The following ZDHHC14 variants were observed in gnomAD, a reference collection of about 807,000 sequenced individuals.
ZDHHC14 encodes the protein zDHHC palmitoyltransferase 14.
In ZDHHC14, 16 loss-of-function variants were observed where a neutral mutation model predicts 47.7. That is an observed-to-expected ratio of 0.34 (90% confidence interval 0.23 to 0.51). The LOEUF is 0.51. Ranked by LOEUF, ZDHHC14 falls within the 20% of genes least tolerant of loss-of-function variation. ZDHHC14 has a pLI of 0.97. For missense variants in ZDHHC14, 515 were observed against 662.5 expected (o/e 0.78, Z 2.44); for synonymous variants, 293 against 278.9 (o/e 1.05, Z -0.50).
intron 1 of ZDHHC14, among the ~76,000 whole-genome samples, chr6:157,389,876 T>C (rs1257942669): frequency 2.0e-5 from 3 of 152,096 alleles, no homozygotes; most frequent in Non-Finnish European, 4.4e-5. Context: ...AAAAATAAAT[T>C]TATGTAAAAT....
intron 3 of ZDHHC14, among the ~76,000 whole-genome samples, chr6:157,611,395 C>T (rs1784744602): frequency 6.6e-6 from 1 of 152,134 alleles, no homozygotes; most frequent in African/African-American, 2.4e-5. Context: ...CTTTTTTATT[C>T]TGTGCATTTA....
At chr6:157,521,092 T>C (rs1780894330) in intron 1 of ZDHHC14, among the ~76,000 whole-genome samples, 2 of 152,102 alleles carry the variant, frequency 1.3e-5, no homozygotes, top group South Asian at 2.1e-4. Context: ...GGCAGGCCAG[T>C]GGATGCGCAG....
intron 8 of ZDHHC14, among the ~76,000 whole-genome samples, chr6:157,660,394 T>C (rs1778299897): frequency 6.6e-6 from 1 of 152,176 alleles, no homozygotes; most frequent in Admixed American, 6.5e-5. Flanking sequence ...CATTTCACCA[T>C]GTTGGCCAGG....
chr6:157,519,287 T>TTTTTTA (rs1415847922), intron 1 of ZDHHC14, among the ~76,000 whole-genome samples: 4 of 152,286 alleles, frequency 2.6e-5, no homozygotes, highest in African/African-American at 9.6e-5. Context: ...TGATATTTAT[T>TTTTTTA]TTTTTATTTT....
chr6:157,484,415 C>CGTATATGTGTATATATATACGTAT (rs1779725033), intron 1 of ZDHHC14, among the ~76,000 whole-genome samples: 1 of 142,282 alleles, frequency 7.0e-6, no homozygotes, highest in African/African-American at 2.7e-5. Context: ...TATGTATACA[C>CGTATATGTGTATATATATACGTAT]ATATACATAT....
intron 2 of ZDHHC14, among the ~76,000 whole-genome samples, chr6:157,577,760 G>A (rs1202007732): frequency 6.6e-6 from 1 of 152,214 alleles, no homozygotes; most frequent in East Asian, 1.9e-4. Context: ...ACGTTGGCCA[G>A]GATGGTCTCA....
At chr6:157,488,096 CA>C (rs1472678087) in intron 1 of ZDHHC14, among the ~76,000 whole-genome samples, 2 of 152,248 alleles carry the variant, frequency 1.3e-5, no homozygotes, top group East Asian at 3.8e-4. Flanking sequence ...ATCCCGTACC[CA>C]CCACGCAACC....
At chr6:157,633,529 G>T (rs1188259297) in intron 5 of ZDHHC14, among the ~76,000 whole-genome samples, 2 of 152,038 alleles carry the variant, frequency 1.3e-5, no homozygotes, top group Non-Finnish European at 2.9e-5. Flanking sequence ...CCCTCCCAGG[G>T]GCCCCAGGCT....
chr6:157,548,514 T>G (rs1001867429), intron 2 of ZDHHC14, among the ~76,000 whole-genome samples: 1 of 152,178 alleles, frequency 6.6e-6, no homozygotes, highest in African/African-American at 2.4e-5. Flanking sequence ...TGGCGCGATC[T>G]CAGCTCACCG....
rs146940469 is a variant in ZDHHC14 at position 157,533,101 on chromosome 6, G to A, written c.246-9484G>A. ...TATAGATGTGTTTGAAACACAAATAGGATTGTCTCCGCTGTACTTTGTATC... is the reference window on the plus strand; with the variant it reads ...TATAGATGTGTTTGAAACACAAATAAGATTGTCTCCGCTGTACTTTGTATC... On this transcript the variant is annotated intron_variant, in intron 1 of 8. Transcript: ENST00000359775. Among the ~76,000 whole-genome samples, 24 of 152,254 alleles carry A rather than the reference G, an allele frequency of 1.6e-4. No individual in the cohort carries two copies. In the East Asian group the frequency reaches 4.1e-3, roughly 26 times the overall value.
intron 1 of ZDHHC14, among the ~76,000 whole-genome samples, chr6:157,507,183 T>C (rs1406060266): frequency 6.6e-6 from 1 of 152,178 alleles, no homozygotes; most frequent in Non-Finnish European, 1.5e-5. Context: ...ATTAAATCCA[T>C]ATCCAGATTT....
In ZDHHC14 at chr6:157,609,350, C is replaced by T. The variant is rs539203588; in HGVS notation, c.565+16204C>T. 2.0e-5 allele frequency among the ~76,000 whole-genome samples: 3 copies of T among 152,340 alleles called. No homozygotes were observed. The South Asian group carries it at 6.2e-4, about 32-fold the overall frequency. On this transcript the variant is annotated intron_variant, in intron 3 of 8. Coordinates refer to ENST00000359775, the MANE Select transcript of ZDHHC14 (RefSeq NM_024630.3). ...AGGCCTTAGAAGGAGCCGAGGGCAG[C>T]TTGCACTGGGCAGAGAAGTCCACGG...
At chr6:157,571,451 C>T (rs578014825) in intron 2 of ZDHHC14, among the ~76,000 whole-genome samples, 1 of 152,186 alleles carries the variant, frequency 6.6e-6, no homozygotes, top group African/African-American at 2.4e-5. Flanking sequence ...ACTCACGATG[C>T]TATAAATAAC....
Position 157,596,031 on chromosome 6 carries a change from C to T in ZDHHC14, c.565+2885C>T, listed in dbSNP as rs368145879. Among the ~76,000 whole-genome samples, 57 of 152,260 alleles carry T rather than the reference C, an allele frequency of 3.7e-4. 1 individual carries two copies. Among genetic ancestry groups the T allele is most frequent in the African/African-American group, 1.2e-3 (50 of 41,540 alleles). On this transcript the variant is annotated intron_variant, in intron 3 of 8. Coordinates refer to ENST00000359775, the MANE Select transcript of ZDHHC14 (RefSeq NM_024630.3). ...TGCTCAGGGCCAGCTCCGTGGGGGA[C>T]AGGTGAAGAAGTAGCATATGAGTGA...
At chr6:157,514,371 C>T (rs193008238) in intron 1 of ZDHHC14, among the ~76,000 whole-genome samples, 1 of 152,338 alleles carries the variant, frequency 6.6e-6, no homozygotes, top group African/African-American at 2.4e-5. Flanking sequence ...TCACTTTCAC[C>T]TGTGCTCACA....
intron 1 of ZDHHC14, among the ~76,000 whole-genome samples, chr6:157,387,876 T>G (rs1420759697): frequency 6.6e-6 from 1 of 152,236 alleles, no homozygotes; most frequent in Non-Finnish European, 1.5e-5. Context: ...TTCTTGTGCT[T>G]TAGTTTTTGC....
rs112758056 is a variant in ZDHHC14, at chr6:157,437,467, A to G, written c.245+55201A>G. Among the ~76,000 whole-genome samples the G allele has an allele frequency of 6.0e-3, 910 of 152,284 alleles. 7 individuals carry two copies. The highest frequency in any genetic ancestry group is 0.021 in the African/African-American group (852 of 41,560). Reference sequence around the variant, plus strand: ...CAGCCTTGAACAGGTTTGTCTCTGTAGTGATACTGGAGTTCTTAATCCTTT... The same window carrying G: ...CAGCCTTGAACAGGTTTGTCTCTGTGGTGATACTGGAGTTCTTAATCCTTT... On this transcript the variant is annotated intron_variant, in intron 1 of 8. Transcript: ENST00000359775.
intron 5 of ZDHHC14, among the ~76,000 whole-genome samples, chr6:157,634,011 T>C (rs189079635): frequency 5.3e-5 from 8 of 152,330 alleles, no homozygotes; most frequent in African/African-American, 1.7e-4. Flanking sequence ...TATCATGTTC[T>C]TAAAGTCAAC....
chr6:157,410,973 G>T (rs993595527), intron 1 of ZDHHC14, among the ~76,000 whole-genome samples: 1 of 152,200 alleles, frequency 6.6e-6, no homozygotes, highest in Non-Finnish European at 1.5e-5. Context: ...GGGATTACAG[G>T]CGTGAGCCAC....
Sources: gnomAD v4.1 joint callset for allele counts (sites outside exome capture counted in the v4.1 genomes callset) on GRCh38, gnomAD v4.1.1 for gene constraint, MANE v1.5 for transcripts, NCBI Gene and HGNC (gene_info 2026-07-23, HGNC 2026-07-21) for gene names.